The following ZBTB20 variants were observed in gnomAD, a reference collection of about 807,000 sequenced individuals.
ZBTB20 encodes the protein zinc finger and BTB domain-containing protein 20.
Under a neutral mutation model 56.9 loss-of-function variants are expected in ZBTB20, and 9 were observed. The ratio of observed to expected loss-of-function variants is 0.16; its 90% confidence interval spans 0.10 to 0.28. The LOEUF (loss-of-function observed/expected upper bound fraction) is 0.28. Among genes scored for constraint, ZBTB20 ranks in the 10% least tolerant of loss-of-function variants. The pLI, the probability that ZBTB20 is intolerant of heterozygous loss-of-function variation, is 1.00. For missense variants in ZBTB20, 655 were observed against 1,003.0 expected, an observed-to-expected ratio of 0.65 and a Z score of 4.69; for synonymous variants, 417 against 420.7, an observed-to-expected ratio of 0.99 and a Z score of 0.11.
chr3:114,463,578 T>C (rs2092419883), intron 7 of ZBTB20, among the ~76,000 whole-genome samples: 1 of 152,162 alleles, frequency 6.6e-6, no homozygotes, highest in African/African-American at 2.4e-5. Flanking sequence ...GAAGAAAACA[T>C]AGCATCCGAA....
At chr3:115,047,695 A>T (rs1307334685) in intron 2 of ZBTB20, among the ~76,000 whole-genome samples, 2 of 152,204 alleles carry the variant, frequency 1.3e-5, no homozygotes, top group African/African-American at 4.8e-5. Context: ...GACATATTAT[A>T]TACTGTATCC....
intron 3 of ZBTB20, among the ~76,000 whole-genome samples, chr3:114,905,257 T>G (rs2075278595): frequency 6.6e-6 from 1 of 151,922 alleles, no homozygotes; most frequent in Non-Finnish European, 1.5e-5. Flanking sequence ...ATATTAAAAA[T>G]TATATTTTCA....
At chr3:114,650,258 C>A (rs766509654) in intron 6 of ZBTB20, among the ~76,000 whole-genome samples, 11 of 151,816 alleles carry the variant, frequency 7.2e-5, no homozygotes, top group Non-Finnish European at 1.0e-4. Context: ...ATAATATCAT[C>A]TATTTCTGAA....
intron 7 of ZBTB20, among the ~76,000 whole-genome samples, chr3:114,392,147 G>C (rs2085935216): frequency 6.6e-6 from 1 of 152,146 alleles, no homozygotes. Flanking sequence ...AACACCACTG[G>C]GGAGGAGGTG....
chr3:114,730,907 A>C (rs2065687378), intron 5 of ZBTB20, among the ~76,000 whole-genome samples: 1 of 152,208 alleles, frequency 6.6e-6, no homozygotes, highest in Non-Finnish European at 1.5e-5. Flanking sequence ...TGGAACATTC[A>C]AGAAATGTCC....
chr3:114,697,576 A>T (rs1458017066), intron 5 of ZBTB20, among the ~76,000 whole-genome samples: 1 of 151,844 alleles, frequency 6.6e-6, no homozygotes, highest in Non-Finnish European at 1.5e-5. Context: ...AAGTAAAATT[A>T]TGCAAGAGCT....
Position 114,996,493 on chromosome 3 carries a change from T to C in ZBTB20, c.-506-22077A>G, listed in dbSNP as rs376283569. On this transcript the variant is annotated intron_variant, in intron 2 of 11. Transcript: ENST00000675478. ...TGTTCTTGTGTTAGTTTGCTGAGAATGATGGTTTCCAGCTTCATCCATGTC... is the reference window on the plus strand; with the variant it reads ...TGTTCTTGTGTTAGTTTGCTGAGAACGATGGTTTCCAGCTTCATCCATGTC... Among the ~76,000 whole-genome samples the C allele has an allele frequency of 2.3e-3, 351 of 152,024 alleles. 13 individuals carry two copies. In the South Asian group the frequency reaches 0.06, roughly 26 times the overall value.
intron 7 of ZBTB20, among the ~76,000 whole-genome samples, chr3:114,473,191 C>T (rs1470247562): frequency 6.6e-6 from 1 of 152,200 alleles, no homozygotes; most frequent in Admixed American, 6.5e-5. Flanking sequence ...TCCCAGACTT[C>T]CTGGCTTTCT....
chr3:114,994,188 CA>C (rs1485263229), intron 2 of ZBTB20, among the ~76,000 whole-genome samples: 1 of 151,666 alleles, frequency 6.6e-6, no homozygotes, highest in Non-Finnish European at 1.5e-5. Context: ...AAATGGCAAT[CA>C]ATTTACAAAC....
At chr3:114,742,606 A>C (rs1332205557) in intron 5 of ZBTB20, among the ~76,000 whole-genome samples, 1 of 152,184 alleles carries the variant, frequency 6.6e-6, no homozygotes, top group Non-Finnish European at 1.5e-5. Context: ...ACTAAAGCTG[A>C]CAGAGATTAA....
At chr3:114,542,910 C>G (rs1001208620) in intron 6 of ZBTB20, among the ~76,000 whole-genome samples, 1 of 152,204 alleles carries the variant, frequency 6.6e-6, no homozygotes, top group Admixed American at 6.5e-5. Context: ...TACTATAATA[C>G]GATGCAACAA....
At chr3:114,558,656 C>T (rs1215520300) in intron 6 of ZBTB20, among the ~76,000 whole-genome samples, 1 of 151,996 alleles carries the variant, frequency 6.6e-6, no homozygotes, top group African/African-American at 2.4e-5. Flanking sequence ...TCCTCTACAA[C>T]CCATTCTCTA....
chr3:114,553,078 C>A (rs16822925), intron 6 of ZBTB20, among the ~76,000 whole-genome samples: 24,623 of 152,068 alleles, frequency 0.16, 2,217 homozygotes, highest in South Asian at 0.25. Flanking sequence ...GCCAAGAAAG[C>A]AACTGGGAGC....
At chr3:114,519,851 C>G (rs2046432925) in intron 6 of ZBTB20, 1 of 152,134 alleles carries the variant, frequency 6.6e-6, no homozygotes, top group African/African-American at 2.4e-5. Context: ...TATAAAACTA[C>G]ATAAACTGTT....
chr3:114,643,749 G>T (rs9841454), intron 6 of ZBTB20, among the ~76,000 whole-genome samples: 1 of 151,912 alleles, frequency 6.6e-6, no homozygotes, highest in Admixed American at 6.6e-5. Context: ...GTTGATCTTT[G>T]AGTGTAACAG....
intron 4 of ZBTB20, among the ~76,000 whole-genome samples, chr3:114,864,311 T>C (rs894021609): frequency 6.6e-6 from 1 of 152,056 alleles, no homozygotes. Context: ...TGGAGTTAAA[T>C]AAAGCAGTCT....
intron 7 of ZBTB20, among the ~76,000 whole-genome samples, chr3:114,446,838 C>CAAGTCTTT (rs1256853040): frequency 6.6e-6 from 1 of 152,134 alleles, no homozygotes; most frequent in Non-Finnish European, 1.5e-5. Context: ...TTTAAAAATG[C>CAAGTCTTT]TATTTCTTTT....
At chr3:114,405,388 T>G (rs2087216803) in intron 7 of ZBTB20, among the ~76,000 whole-genome samples, 1 of 152,118 alleles carries the variant, frequency 6.6e-6, no homozygotes, top group South Asian at 2.1e-4. Context: ...TGAGTTTCAC[T>G]TCCTCCAAAT....
At chr3:114,417,402 T>C (rs890442642) in intron 7 of ZBTB20, among the ~76,000 whole-genome samples, 1 of 152,096 alleles carries the variant, frequency 6.6e-6, no homozygotes, top group Admixed American at 6.6e-5. Flanking sequence ...TTGTGTAGAC[T>C]TCCACGAAGA....
Sources: allele counts gnomAD v4.1 joint callset (sites outside exome capture counted in the v4.1 genomes callset), GRCh38; gene constraint gnomAD v4.1.1; transcripts MANE v1.5; gene names NCBI Gene and HGNC (gene_info 2026-07-23, HGNC 2026-07-21).